Variants in APP observed in about 807,000 individuals in gnomAD.
The protein encoded by APP is amyloid-beta precursor protein.
In APP, 31 loss-of-function variants were observed where a neutral mutation model predicts 101.4. That is an observed-to-expected ratio of 0.31 (90% CI 0.23 to 0.41). APP has a LOEUF of 0.41. Ranked by LOEUF, APP falls within the 10% of genes least tolerant of loss-of-function variation. The pLI is 1.00. For synonymous variants in APP, 366 were observed against 364.4 expected (o/e 1.00, Z -0.05); for missense variants, 839 against 1,003.7 (o/e 0.84, Z 2.22).
At chr21:26,123,853 T>G (rs1245837417) in intron 1 of APP, among the ~76,000 whole-genome samples, 1 of 152,192 alleles carries the variant, frequency 6.6e-6, no homozygotes, top group African/African-American at 2.4e-5. Context: ...GGTAAAAATA[T>G]GCAGACGCCA....
intron 4 of APP, among the ~76,000 whole-genome samples, chr21:26,052,800 T>C (rs543331470): frequency 1.3e-5 from 2 of 152,242 alleles, no homozygotes; most frequent in Admixed American, 6.5e-5. Context: ...AAATTGTATA[T>C]GACAAAAGAA....
At chr21:25,996,897 T>C (rs1365209967) in intron 8 of APP, among the ~76,000 whole-genome samples, 1 of 152,204 alleles carries the variant, frequency 6.6e-6, no homozygotes, top group Non-Finnish European at 1.5e-5. Context: ...AAATTTGAGA[T>C]GGTTGCTTTG....
intron 17 of APP, among the ~76,000 whole-genome samples, chr21:25,891,467 A>G (rs1268137596): frequency 6.6e-6 from 1 of 152,150 alleles, no homozygotes; most frequent in Non-Finnish European, 1.5e-5. Flanking sequence ...TATCATTTGT[A>G]TTATTTTGAT....
chr21:26,160,121 C>T (rs886705837), intron 1 of APP, among the ~76,000 whole-genome samples: 6 of 152,126 alleles, frequency 3.9e-5, no homozygotes, highest in African/African-American at 1.4e-4. Flanking sequence ...ACTCACATGG[C>T]TACTCTATCA....
intron 5 of APP, among the ~76,000 whole-genome samples, chr21:26,049,851 T>C (rs552911947): frequency 1.6e-4 from 24 of 152,250 alleles, no homozygotes; most frequent in Middle Eastern, 3.4e-3. Flanking sequence ...GAGAGGAATA[T>C]CAAAGCTATA....
Position 25,881,364 on chromosome 21 carries a change from G to T in APP, c.*306C>A. 1 of 436,752 alleles carries T rather than the reference G, an allele frequency of 2.3e-6. No homozygotes were observed. The highest frequency in any genetic ancestry group is 4.3e-6 in the Non-Finnish European group (1 of 234,980). The allele number at this position is 436,752 out of a possible 1,614,324, so 27.1% of individuals were successfully genotyped here. A position where few individuals can be genotyped will look rare whatever the true frequency, so the allele number is the denominator to read the frequency against. ...TATACAACTGGCTAAGGGGCTATGT[G>T]ATAAATAATCAGGAGAGAATCTATT... On this transcript the variant is annotated 3_prime_UTR_variant, in exon 18 of 18. Coordinates refer to ENST00000346798, the MANE Select transcript of APP (RefSeq NM_000484.4).
At chr21:26,092,654 G>A (rs911800534) in intron 2 of APP, among the ~76,000 whole-genome samples, 12 of 152,180 alleles carry the variant, frequency 7.9e-5, no homozygotes, top group African/African-American at 1.4e-4. Context: ...ACCGCCAAGA[G>A]TGAACCCTCA....
rs1027894282 is a variant in APP at position 26,126,697 on chromosome 21, G to A, written c.58-14551C>T. On this transcript the variant is annotated intron_variant, in intron 1 of 17. Transcript: ENST00000346798. Reference sequence around the variant, plus strand: ...ATCCTACAATGTACAGGCAGCCTCCGCTGTAGGCCCTCCCCCACCCAACAT... The same window carrying A: ...ATCCTACAATGTACAGGCAGCCTCCACTGTAGGCCCTCCCCCACCCAACAT... 8.5e-5 allele frequency among the ~76,000 whole-genome samples: 13 copies of A among 152,132 alleles called. No homozygotes were observed. In the East Asian group the frequency reaches 2.3e-3, roughly 27 times the overall value.
chr21:26,061,661 T>A (rs1464772978), intron 3 of APP, among the ~76,000 whole-genome samples: 2 of 152,204 alleles, frequency 1.3e-5, no homozygotes, highest in Non-Finnish European at 2.9e-5. Flanking sequence ...GAATTACACA[T>A]CCTTTTAAAA....
At chr21:26,157,784 A>G (rs2146365185) in intron 1 of APP, among the ~76,000 whole-genome samples, 1 of 152,336 alleles carries the variant, frequency 6.6e-6, no homozygotes, top group African/African-American at 2.4e-5. Context: ...TCCTTTTTGC[A>G]TAGATCTTCC....
intron 1 of APP, among the ~76,000 whole-genome samples, chr21:26,159,155 C>CGA (rs2063435230): frequency 6.6e-6 from 1 of 152,016 alleles, no homozygotes; most frequent in South Asian, 2.1e-4. Context: ...CGATGGCTCA[C>CGA]TGCAAGCTCT....
intron 5 of APP, among the ~76,000 whole-genome samples, chr21:26,033,330 T>C (rs1299539289): frequency 7.2e-5 from 11 of 152,222 alleles, no homozygotes; most frequent in Non-Finnish European, 1.5e-4. Context: ...GCTCTTCTCT[T>C]TCCTGCCGCC....
At chr21:26,118,215 G>A (rs2062480273) in intron 1 of APP, among the ~76,000 whole-genome samples, 1 of 152,152 alleles carries the variant, frequency 6.6e-6, no homozygotes, top group African/African-American at 2.4e-5. Context: ...CACTACTCGT[G>A]AAATTAATAA....
intron 9 of APP, among the ~76,000 whole-genome samples, chr21:25,976,279 C>CT (rs45550035): frequency 0.012 from 1,791 of 152,076 alleles, 32 homozygotes; most frequent in African/African-American, 0.041. Context: ...CAAGGTTGGT[C>CT]TTTTTTTACC....
intron 1 of APP, among the ~76,000 whole-genome samples, chr21:26,115,181 G>A (rs571739493): frequency 1.3e-5 from 2 of 152,174 alleles, no homozygotes; most frequent in Non-Finnish European, 1.5e-5. Flanking sequence ...TTTAAACTGC[G>A]AATCCTCAAT....
intron 2 of APP, among the ~76,000 whole-genome samples, chr21:26,100,150 T>G (rs935371624): frequency 3.9e-5 from 6 of 152,224 alleles, no homozygotes; most frequent in African/African-American, 1.4e-4. Flanking sequence ...ATAGCCTAGA[T>G]TTTCCTATTC....
chr21:25,912,045 A>G, intron 13 of APP, 83 bp from the exon 14 acceptor site: 1 of 1,067,964 alleles, frequency 9.4e-7, no homozygotes, highest in Non-Finnish European at 1.4e-6. Flanking sequence ...TACTTCTGCC[A>G]GGCAAGACTT....
intron 1 of APP, among the ~76,000 whole-genome samples, chr21:26,150,098 G>A (rs1175755527): frequency 6.6e-6 from 1 of 152,120 alleles, no homozygotes; most frequent in South Asian, 2.1e-4. Context: ...ACATGAGGGA[G>A]GGGAGAGGAG....
Position 25,911,748 on chromosome 21 carries a change from T to C in APP, c.1902A>G (p.Glu634=), listed in dbSNP as rs1240096661. The C allele has an allele frequency of 6.2e-7, 1 of 1,614,112 alleles. No homozygotes were observed. The highest frequency in any genetic ancestry group is 2.2e-5 in the East Asian group (1 of 44,868). The stretch of plus-strand genomic sequence containing the variant: ...GGCTCAGGGGACTCTTACCTTCGTT[T>C]TCTGTGTTGGCTGGCACAGAGTCAG... ...FGADSVPANT[E]NEVEPVDARP... Residue 634 remains glutamate (E), a synonymous_variant, in exon 14 of 18, where the codon GAA becomes GAG. Coordinates refer to ENST00000346798, the MANE Select transcript of APP (RefSeq NM_000484.4).
Sources: gnomAD v4.1 joint callset for allele counts (sites outside exome capture counted in the v4.1 genomes callset) on GRCh38, gnomAD v4.1.1 for gene constraint, MANE v1.5 for transcripts, NCBI Gene and HGNC (gene_info 2026-07-23, HGNC 2026-07-21) for gene names.